Variants in ECD observed in about 807,000 individuals in gnomAD.
ECD encodes the protein ecdysoneless cell cycle regulator.
ECD carries 59 observed loss-of-function variants against 77.2 expected under a neutral mutation model. That is an observed-to-expected ratio of 0.76 (90% CI 0.62 to 0.95). The LOEUF is 0.95. ECD is among the 40% of genes least tolerant of loss of function. ECD has a pLI of 0.00. For synonymous variants in ECD, 233 were observed against 267.4 expected, an observed-to-expected ratio of 0.87 and a Z score of 1.26; for missense variants, 704 against 763.4, an observed-to-expected ratio of 0.92 and a Z score of 0.92.
intron 2 of ECD, 94 bp downstream of exon 2, chr10:73,163,638 CT>C: frequency 2.4e-6 from 3 of 1,245,324 alleles, no homozygotes; most frequent in Non-Finnish European, 3.4e-6. Flanking sequence ...TAATCTCTTC[CT>C]GGCAACACTG....
chr10:73,160,339 C>A, intron 3 of ECD, 95 bp downstream of exon 3: 1 of 786,444 alleles, frequency 1.3e-6, no homozygotes, highest in Non-Finnish European at 1.9e-6. Context: ...TTCCAGCAGA[C>A]TACAGGAGAA....
At chr10:73,160,004 G>A (rs1843354081) in intron 3 of ECD, among the ~76,000 whole-genome samples, 1 of 151,556 alleles carries the variant, frequency 6.6e-6, no homozygotes, top group African/African-American at 2.4e-5. Flanking sequence ...CACAGATATG[G>A]CTGGGCGCGG....
chr10:73,163,989 A>T (rs777424817), intron 1 of ECD, 39 bp from the exon 2 acceptor site: 2 of 1,548,278 alleles, frequency 1.3e-6, no homozygotes, highest in Non-Finnish European at 1.8e-6. Context: ...ACATAGAACA[A>T]TGCAGAAGTA....
chr10:73,140,460 G>A (rs1296520600), intron 9 of ECD, among the ~76,000 whole-genome samples: 9 of 151,558 alleles, frequency 5.9e-5, no homozygotes, highest in East Asian at 2.0e-4. Context: ...AGGCCAAGGC[G>A]GGGAGATCAC....
intron 12 of ECD, 128 bp from the exon 13 acceptor site, chr10:73,137,046 ACAGT>A (rs1842983589): frequency 1.2e-5 from 5 of 417,528 alleles, no homozygotes; most frequent in South Asian, 1.0e-4. Context: ...ACTAATACAC[ACAGT>A]CAGTCTACTT....
At chr10:73,154,939 A>C (rs1388913447) in intron 5 of ECD, among the ~76,000 whole-genome samples, 1 of 152,206 alleles carries the variant, frequency 6.6e-6, no homozygotes, top group Non-Finnish European at 1.5e-5. Flanking sequence ...CATCTCAAAA[A>C]CAAAACAAAA....
Position 73,136,843 on chromosome 10 carries a change from A to C in ECD, c.1565T>G (p.Leu522Trp), listed in dbSNP as rs767311213. ...GCCAGGTTCGTGTGTTTCAAAGTCC[A>C]AGTCATCATCACTATCTAAACATTC... The part of the protein sequence containing the change: ...DFECLDSDDD[L>W]DFETHEPGEE... Residue 522 changes from leucine to tryptophan, a missense_variant, in exon 13 of 14, where the codon TTG becomes TGG. Physicochemically the swap from Leu to Trp is moderately conservative, Grantham distance 61. Coordinates refer to ENST00000372979, the MANE Select transcript of ECD (RefSeq NM_007265.3). The C allele has an allele frequency of 1.1e-5, 18 of 1,614,072 alleles. No homozygotes were observed. The East Asian group carries it at 4.0e-4, about 36-fold the overall frequency.
At chr10:73,135,064 C>T (rs1007745163) in intron 13 of ECD, among the ~76,000 whole-genome samples, 2 of 152,112 alleles carry the variant, frequency 1.3e-5, no homozygotes, top group Admixed American at 6.5e-5. Context: ...GAATAAATTG[C>T]ATGTCTATTT....
At position 73,163,893 on chromosome 10, in the gene ECD, C is replaced by G. The variant is rs1480242193; in HGVS notation, c.45G>C (p.Glu15Asp). ...MKLATMEDTV[E>D]YCLFLIPDES... ...CATCTGGTATCAGGAACAGGCAGTA[C>G]TCCACTGTGTCTTCCATCGTAGCAA... Residue 15 changes from glutamate to aspartate, a missense_variant, in exon 2 of 14, where the codon GAG (glutamate) becomes GAC (aspartate). Physicochemically the swap from Glu to Asp is conservative, Grantham distance 45 (BLOSUM62 2). Around this residue, in one of 3 missense-constraint regions of ECD, gnomAD observed 559 missense variants for 583.7 expected, o/e 0.96. Transcript: ENST00000372979. 4.3e-6 allele frequency: 7 copies of G among 1,614,192 alleles called. No individual in the cohort carries two copies. Among genetic ancestry groups the G allele is most frequent in the Non-Finnish European group, 5.1e-6 (6 of 1,180,030 alleles).
chr10:73,147,655 G>C (rs971147476), intron 8 of ECD, among the ~76,000 whole-genome samples: 3 of 151,860 alleles, frequency 2.0e-5, no homozygotes, highest in African/African-American at 7.3e-5. Context: ...TCCACTTCTT[G>C]GATATTTCCT....
At position 73,139,729 on chromosome 10, in the gene ECD, G is replaced by T; in HGVS notation, c.1136C>A (p.Ala379Asp). 6.3e-7 allele frequency: 1 copy of T among 1,592,224 alleles called. No individual in the cohort carries two copies. The highest frequency in any genetic ancestry group is 8.6e-7 in the Non-Finnish European group (1 of 1,168,704). Reference protein sequence around the residue: ...LSVDWPESSLAMSPGEEILTL... With the variant: ...LSVDWPESSLDMSPGEEILTL... ...TAAGATTTCTTCACCAGGGCTCATA[G>T]CAAGAGAACTATGAAAAATAAAAAA... is the stretch of plus-strand genomic sequence containing the variant. Residue 379 changes from alanine (A) to aspartate (D), a missense_variant, in exon 10 of 14, where the codon GCT (alanine) becomes GAT (aspartate). Ala to Asp is a moderately radical substitution (Grantham distance 126). This residue lies in a region of ECD where 559 missense variants were observed against 583.7 expected (regional missense o/e 0.96). Coordinates refer to ENST00000372979, the MANE Select transcript of ECD (RefSeq NM_007265.3).
At chr10:73,139,847 G>GTTTTT in intron 9 of ECD, 110 bp from the exon 10 acceptor site, 18 of 500,442 alleles carry the variant, frequency 3.6e-5, no homozygotes, top group East Asian at 9.0e-5. Context: ...AATTTGGGGA[G>GTTTTT]TGTTTTTTTT....
intron 6 of ECD, among the ~76,000 whole-genome samples, chr10:73,153,241 C>T (rs978491866): frequency 2.6e-5 from 4 of 151,880 alleles, no homozygotes; most frequent in Admixed American, 2.0e-4. Context: ...TTACAGGCGC[C>T]CACCACCACA....
intron 4 of ECD, 47 bp from the exon 5 acceptor site, chr10:73,156,500 C>T (rs1589120097): frequency 6.2e-7 from 1 of 1,609,748 alleles, no homozygotes; most frequent in Non-Finnish European, 8.5e-7. Flanking sequence ...TGGCAAACTG[C>T]AGGTACATAT....
Position 73,146,364 on chromosome 10 carries a change from T to TAAAA in ECD, c.1042-7_1042-4dup. 2 of 1,353,058 alleles carry TAAAA rather than the reference T, an allele frequency of 1.5e-6. No homozygotes were observed. The highest frequency in any genetic ancestry group is 2.5e-5 in the East Asian group (1 of 39,266). 83.8% of individuals were successfully genotyped at this position (1,353,058 alleles called of 1,614,324 possible). A position where few individuals can be genotyped will look rare whatever the true frequency, so the allele number is the denominator to read the frequency against. ...TGAGCAGAACCTTCTATCAGTCCCTTAAAAAAAAAAAAAGGTCTATCAGAA... is the reference window on the plus strand; with the variant it reads ...TGAGCAGAACCTTCTATCAGTCCCTTAAAAAAAAAAAAAAAAAGGTCTATCAGAA... On this transcript the variant is annotated splice_polypyrimidine_tract_variant and splice_region_variant and intron_variant, in intron 8 of 13. Coordinates refer to ENST00000372979, the MANE Select transcript of ECD (RefSeq NM_007265.3).
intron 13 of ECD, among the ~76,000 whole-genome samples, chr10:73,135,999 T>C (rs1204397606): frequency 5.9e-5 from 9 of 152,164 alleles, no homozygotes; most frequent in South Asian, 2.1e-4. Context: ...ATTGTAGGTT[T>C]TACTGCTGTC....
At chr10:73,150,713 A>T (rs1843190912) in intron 7 of ECD, among the ~76,000 whole-genome samples, 1 of 152,262 alleles carries the variant, frequency 6.6e-6, no homozygotes, top group Non-Finnish European at 1.5e-5. Context: ...AAGTGGGCAA[A>T]GGACATGAAC....
Position 73,152,343 on chromosome 10 carries a change from G to T in ECD, c.862C>A (p.Pro288Thr). The stretch of plus-strand genomic sequence containing the variant: ...CGGTACTGGGGATCAGATGGAGGAG[G>T]CAGCCTGTATCCACTCCGCCGGTCT... The part of the protein sequence containing the change: ...VPDRRSGYRL[P>T]PPSDPQYRAH... The change falls in exon 7 of 14, where the codon CCT (proline) becomes ACT (threonine). Residue 288 changes from proline to threonine, a missense_variant. This residue lies in a region of ECD where 559 missense variants were observed against 583.7 expected (regional missense o/e 0.96). Coordinates refer to ENST00000372979, the MANE Select transcript of ECD (RefSeq NM_007265.3). 6.2e-7 allele frequency: 1 copy of T among 1,613,798 alleles called. No homozygotes were observed. Among genetic ancestry groups the T allele is most frequent in the Non-Finnish European group, 8.5e-7 (1 of 1,179,820 alleles).
At chr10:73,148,134 T>C in intron 8 of ECD, 142 bp downstream of exon 8, 3 of 980,770 alleles carry the variant, frequency 3.1e-6, no homozygotes, top group Non-Finnish European at 4.2e-6. Flanking sequence ...AGCACCTGAG[T>C]ACCACTGAAC....
Sources: allele counts gnomAD v4.1 joint callset (sites outside exome capture counted in the v4.1 genomes callset), GRCh38; gene constraint gnomAD v4.1.1; regional missense constraint gnomAD v4.1.1; transcripts MANE v1.5; gene names NCBI Gene and HGNC (gene_info 2026-07-23, HGNC 2026-07-21).